Variants in DSCAM observed in about 807,000 individuals in gnomAD.
DSCAM encodes the protein DS cell adhesion molecule, also known as cell adhesion molecule DSCAM.
Under a neutral mutation model 217.7 loss-of-function variants are expected in DSCAM, and 47 were observed. That is an observed-to-expected ratio of 0.22 (90% CI 0.17 to 0.28). The LOEUF (loss-of-function observed/expected upper bound fraction) is 0.28. Ranked by LOEUF, DSCAM falls within the 10% of genes least tolerant of loss-of-function variation. The pLI is 1.00. For synonymous variants in DSCAM, 1,056 were observed against 1,015.3 expected (o/e 1.04, Z -0.76); for missense variants, 2,080 against 2,618.3 (o/e 0.79, Z 4.49).
intron 11 of DSCAM, among the ~76,000 whole-genome samples, chr21:40,218,862 G>T (rs1678244253): frequency 6.6e-6 from 1 of 152,178 alleles, no homozygotes; most frequent in Admixed American, 6.5e-5. Flanking sequence ...TGCTGAAGTT[G>T]TTTATCAGCT....
chr21:40,493,188 CTT>C (rs1233688308), intron 3 of DSCAM, among the ~76,000 whole-genome samples: 1 of 152,156 alleles, frequency 6.6e-6, no homozygotes, highest in Non-Finnish European at 1.5e-5. Flanking sequence ...CTTGCCAACA[CTT>C]ATATTTTTAA....
chr21:40,653,988 G>A (rs961564111), intron 3 of DSCAM, among the ~76,000 whole-genome samples: 7 of 151,842 alleles, frequency 4.6e-5, no homozygotes, highest in East Asian at 1.9e-4. Flanking sequence ...CCAGCTACTC[G>A]GGAGGCTAAG....
At chr21:40,594,602 AGAGATAATGTT>A (rs1302655808) in intron 3 of DSCAM, among the ~76,000 whole-genome samples, 1 of 152,236 alleles carries the variant, frequency 6.6e-6, no homozygotes, top group African/African-American at 2.4e-5. Flanking sequence ...GAGTAGCCAT[AGAGATAATGTT>A]GGGATGATGG....
chr21:40,116,816 C>T (rs1020772656), intron 20 of DSCAM, among the ~76,000 whole-genome samples: 1 of 151,274 alleles, frequency 6.6e-6, no homozygotes, highest in Non-Finnish European at 1.5e-5. Context: ...TCCTGGCTAA[C>T]ACAGTGAAAC....
At chr21:40,142,443 T>A in intron 18 of DSCAM, 115 bp downstream of exon 18, 3 of 1,146,632 alleles carry the variant, frequency 2.6e-6, no homozygotes, top group Non-Finnish European at 3.7e-6. Context: ...AAGTGTCTAT[T>A]GATAAAGAGG....
chr21:40,271,430 G>A (rs888847010), intron 11 of DSCAM, among the ~76,000 whole-genome samples: 2 of 152,188 alleles, frequency 1.3e-5, no homozygotes. Flanking sequence ...GCTGAAACCA[G>A]TGTTCCCGGA....
chr21:40,620,691 T>C (rs981912071), intron 3 of DSCAM, among the ~76,000 whole-genome samples: 1 of 152,222 alleles, frequency 6.6e-6, no homozygotes, highest in African/African-American at 2.4e-5. Flanking sequence ...TCCAAATAGA[T>C]TAGCTATTTT....
At chr21:40,670,977 A>T (rs895714338) in intron 3 of DSCAM, among the ~76,000 whole-genome samples, 1 of 152,200 alleles carries the variant, frequency 6.6e-6, no homozygotes, top group Non-Finnish European at 1.5e-5. Flanking sequence ...AAAATATTGT[A>T]ATCAGATTAT....
At chr21:40,425,410 G>A (rs550802253) in intron 3 of DSCAM, among the ~76,000 whole-genome samples, 3 of 151,962 alleles carry the variant, frequency 2.0e-5, no homozygotes, top group Admixed American at 1.3e-4. Flanking sequence ...TTTGGTTGAC[G>A]AGTTAACGGG....
chr21:40,217,514 G>A (rs1247258078), intron 11 of DSCAM, among the ~76,000 whole-genome samples: 2 of 151,976 alleles, frequency 1.3e-5, no homozygotes, highest in Non-Finnish European at 2.9e-5. Flanking sequence ...CACTGCTCAG[G>A]TATTAAGCCC....
intron 3 of DSCAM, among the ~76,000 whole-genome samples, chr21:40,679,514 T>C (rs1422039017): frequency 1.3e-5 from 2 of 152,170 alleles, no homozygotes; most frequent in Non-Finnish European, 2.9e-5. Flanking sequence ...CTTAATGGGG[T>C]TGTCGAGAAG....
chr21:40,123,767 T>A (rs2090060486), intron 20 of DSCAM, among the ~76,000 whole-genome samples: 1 of 97,674 alleles, frequency 1.0e-5, no homozygotes, highest in South Asian at 3.6e-4. Context: ...AAGGGAGGGA[T>A]AGGGTGGGAG....
chr21:40,465,379 C>T (rs766021831), intron 3 of DSCAM, among the ~76,000 whole-genome samples: 4 of 152,168 alleles, frequency 2.6e-5, no homozygotes, highest in Admixed American at 6.5e-5. Flanking sequence ...CTCCCAAAAG[C>T]TCTGTTTGAA....
At chr21:40,511,005 T>C (rs906874476) in intron 3 of DSCAM, among the ~76,000 whole-genome samples, 13 of 152,350 alleles carry the variant, frequency 8.5e-5, no homozygotes, top group Non-Finnish European at 1.8e-4. Context: ...GTTTCTTTTA[T>C]AGTTTAAAAA....
intron 3 of DSCAM, among the ~76,000 whole-genome samples, chr21:40,565,981 G>A (rs751172389): frequency 1.8e-4 from 27 of 152,014 alleles, no homozygotes; most frequent in Non-Finnish European, 3.1e-4. Flanking sequence ...CATGAAAAAC[G>A]GCACATAAAG....
chr21:40,397,145 C>G (rs1187263353), intron 3 of DSCAM, among the ~76,000 whole-genome samples: 1 of 152,200 alleles, frequency 6.6e-6, no homozygotes, highest in African/African-American at 2.4e-5. Flanking sequence ...TCCTTGGCTG[C>G]AGCACCAGAA....
intron 5 of DSCAM, among the ~76,000 whole-genome samples, chr21:40,348,914 G>A (rs1043305171): frequency 1.3e-5 from 2 of 151,736 alleles, no homozygotes; most frequent in African/African-American, 4.8e-5. Flanking sequence ...GGCCAAAGTG[G>A]GAGGATCACG....
At chr21:40,135,737 A>C (rs1568959334) in intron 18 of DSCAM, among the ~76,000 whole-genome samples, 1 of 152,274 alleles carries the variant, frequency 6.6e-6, no homozygotes, top group Non-Finnish European at 1.5e-5. Flanking sequence ...GGAGGTTCAC[A>C]AATGAATAGC....
At chr21:40,797,156 T>C (rs1228821274) in intron 1 of DSCAM, among the ~76,000 whole-genome samples, 1 of 152,176 alleles carries the variant, frequency 6.6e-6, no homozygotes, top group Admixed American at 6.5e-5. Context: ...AAATGACACA[T>C]TGTGCTTATC....
Sources: gnomAD v4.1 joint callset for allele counts (sites outside exome capture counted in the v4.1 genomes callset) on GRCh38, gnomAD v4.1.1 for gene constraint, MANE v1.5 for transcripts, NCBI Gene and HGNC (gene_info 2026-07-23, HGNC 2026-07-21) for gene names.